CLCN5: variants seen among roughly 807,000 people sequenced by gnomAD.
The protein encoded by CLCN5 is H(+)/Cl(-) exchange transporter 5.
A neutral mutation model predicts 54.0 loss-of-function variants in CLCN5; 17 were observed. That is an observed-to-expected ratio of 0.31 (90% CI 0.22 to 0.47). The LOEUF (loss-of-function observed/expected upper bound fraction) is 0.47. CLCN5 is among the 20% of genes least tolerant of loss of function. The probability of loss-of-function intolerance (pLI) is 1.00; values close to 1 mark genes in which losing one functional copy is unlikely to be tolerated. For synonymous variants in CLCN5, 222 were observed against 233.0 expected (o/e 0.95, Z 0.43); for missense variants, 448 against 646.7 (o/e 0.69, Z 3.33).
intron 4 of CLCN5, among the ~76,000 whole-genome samples, chrX:50,054,891 C>T (rs1213791902): frequency 8.9e-6 from 1 of 111,778 alleles, no homozygotes; most frequent in Non-Finnish European, 1.9e-5. Context: ...ACTTTCGGCT[C>T]CACTTTGTTC....
chrX:50,034,145 CAAAAT>C (rs782066965), intron 3 of CLCN5, among the ~76,000 whole-genome samples: 7 of 111,916 alleles, frequency 6.3e-5, no homozygotes, highest in African/African-American at 9.8e-5. Context: ...TTCCATTTCT[CAAAAT>C]AAAGTAACTA....
At chrX:50,031,717 TTTATTA>T (rs782260429) in intron 3 of CLCN5, among the ~76,000 whole-genome samples, 2 of 109,801 alleles carry the variant, frequency 1.8e-5, no homozygotes, top group Admixed American at 9.7e-5. Context: ...TTTTAATTTC[TTTATTA>T]TTATTATTAT....
At chrX:50,089,027 G>T in intron 12 of CLCN5, 143 bp downstream of exon 12, 1 of 542,057 alleles carries the variant, frequency 1.8e-6, no homozygotes, top group East Asian at 3.6e-5. Context: ...CATTAAGAAA[G>T]CATCTGGTAT....
chrX:50,046,292 T>C (rs1454070710), intron 4 of CLCN5, among the ~76,000 whole-genome samples: 2 of 112,247 alleles, frequency 1.8e-5, no homozygotes, highest in African/African-American at 6.5e-5. Context: ...ACTTACTCAT[T>C]TGATACTTAT....
intron 4 of CLCN5, among the ~76,000 whole-genome samples, chrX:50,055,332 C>A (rs1473655144): frequency 8.9e-6 from 1 of 111,897 alleles, no homozygotes; most frequent in Admixed American, 9.5e-5. Context: ...GATGGAAAAC[C>A]TGTAAACCCA....
intron 3 of CLCN5, among the ~76,000 whole-genome samples, chrX:49,936,912 G>C (rs1241191088): frequency 1.8e-5 from 2 of 111,376 alleles, no homozygotes; most frequent in Non-Finnish European, 3.8e-5. Flanking sequence ...ACATACTATG[G>C]AATGCTGTTC....
At chrX:50,081,553 C>A in intron 8 of CLCN5, 88 bp from the exon 9 acceptor site, 1 of 675,005 alleles carries the variant, frequency 1.5e-6, no homozygotes, top group Admixed American at 2.2e-5. Context: ...TCAAAAGGTG[C>A]AGTTTCTATA....
rs1343866495 is a variant in CLCN5, at chrX:50,090,597, G to A, written c.2144-73G>A. The A allele has an allele frequency of 4.4e-6, 5 of 1,144,458 alleles. No individual in the cohort carries two copies. The Admixed American group carries it at 9.7e-5, about 22-fold the overall frequency. 94.3% of individuals were successfully genotyped at this position (1,144,458 alleles called of 1,213,427 possible). ...GAAATGGGGGAAGACAGGGAAGGGG[G>A]GACTGGTTAGGAGCCAGAAGGATAG... On this transcript the variant is annotated intron_variant, in intron 13 of 14. Transcript: ENST00000376091.
At chrX:50,075,318 A>G (rs1557191972) in intron 6 of CLCN5, among the ~76,000 whole-genome samples, 2 of 111,223 alleles carry the variant, frequency 1.8e-5, no homozygotes, top group African/African-American at 6.5e-5. Flanking sequence ...AAGCAATCTC[A>G]AATAAACATC....
intron 3 of CLCN5, among the ~76,000 whole-genome samples, chrX:49,935,648 G>A (rs911053037): frequency 8.0e-5 from 9 of 111,841 alleles, no homozygotes; most frequent in South Asian, 3.7e-4. Flanking sequence ...GTTCATCTGA[G>A]ACCTGAAAGA....
chrX:50,026,947 T>C (rs1188092476), intron 3 of CLCN5, among the ~76,000 whole-genome samples: 1 of 111,694 alleles, frequency 9.0e-6, no homozygotes, highest in East Asian at 2.8e-4. Flanking sequence ...TTGGTATCTG[T>C]CATTAATTTG....
Position 50,090,693 on chromosome X carries a change from G to T in CLCN5, c.2167G>T (p.Gly723Trp). 1 of 1,209,098 alleles carries T rather than the reference G, an allele frequency of 8.3e-7. No homozygotes were observed. The highest frequency in any genetic ancestry group is 3.0e-5 in the East Asian group (1 of 33,746). The change falls in exon 14 of 15, where the codon GGG (glycine) becomes TGG (tryptophan). Residue 723 changes from glycine (G) to tryptophan (W), a missense_variant. This residue lies in a region of CLCN5 where 297 missense variants were observed against 470.4 expected (regional missense o/e 0.63). Coordinates refer to ENST00000376091, the MANE Select transcript of CLCN5 (RefSeq NM_001127898.4). The stretch of plus-strand genomic sequence containing the variant: ...AGAAAATGCTCGAAAGAAACAGGAT[G>T]GGGTTGTTAGCACTTCCATCATTTA... ...SIENARKKQD[G>W]VVSTSIIYFT... is the part of the protein sequence containing the mutation.
intron 3 of CLCN5, among the ~76,000 whole-genome samples, chrX:49,995,572 T>C (rs782310831): frequency 1.8e-5 from 2 of 111,006 alleles, no homozygotes; most frequent in East Asian, 5.7e-4. Context: ...TTGGAGGAAA[T>C]GTAGAGTGTA....
intron 3 of CLCN5, among the ~76,000 whole-genome samples, chrX:50,007,847 T>C (rs1930278983): frequency 8.9e-6 from 1 of 112,337 alleles, no homozygotes; most frequent in African/African-American, 3.2e-5. Flanking sequence ...TCTTCAAAAG[T>C]GTTTAACTTG....
At position 50,015,693 on chromosome X, in the gene CLCN5, C is replaced by T. The variant is rs191078321; in HGVS notation, c.17-26623C>T. On this transcript the variant is annotated intron_variant, in intron 3 of 14. Transcript: ENST00000376091. ...GAGCCTGAGTGCTTTCTACTGTGACCTCAGCAGTATTCTTCAGTTGTTACT... is the reference window on the plus strand; with the variant it reads ...GAGCCTGAGTGCTTTCTACTGTGACTTCAGCAGTATTCTTCAGTTGTTACT... Among the ~76,000 whole-genome samples, 309 of 110,101 alleles carry T rather than the reference C, an allele frequency of 2.8e-3. 2 individuals carry two copies. Among genetic ancestry groups the T allele is most frequent in the African/African-American group, 9.6e-3 (292 of 30,291 alleles).
chrX:50,033,847 A>G (rs943744954), intron 3 of CLCN5, among the ~76,000 whole-genome samples: 5 of 111,829 alleles, frequency 4.5e-5, no homozygotes, highest in Admixed American at 9.5e-5. Context: ...AGTAATTTTG[A>G]TGACTAAAGG....
chrX:49,993,947 C>G (rs1929382867), intron 3 of CLCN5, among the ~76,000 whole-genome samples: 1 of 111,196 alleles, frequency 9.0e-6, no homozygotes, highest in Non-Finnish European at 1.9e-5. Flanking sequence ...AGGAAAAGGC[C>G]AGGACATCAG....
intron 3 of CLCN5, among the ~76,000 whole-genome samples, chrX:49,936,958 T>C (rs1298228435): frequency 3.6e-5 from 4 of 111,320 alleles, no homozygotes; most frequent in Non-Finnish European, 7.5e-5. Context: ...CTGGACGTGG[T>C]GGTTCACGCC....
At chrX:50,073,025 C>T (rs1204628198) in intron 6 of CLCN5, among the ~76,000 whole-genome samples, 2 of 110,496 alleles carry the variant, frequency 1.8e-5, no homozygotes, top group African/African-American at 6.6e-5. Flanking sequence ...TAAGATATGG[C>T]TCGTACTCCC....
Sources: allele counts gnomAD v4.1 joint callset (sites outside exome capture counted in the v4.1 genomes callset), GRCh38; gene constraint gnomAD v4.1.1; regional missense constraint gnomAD v4.1.1; transcripts MANE v1.5; gene names NCBI Gene and HGNC (gene_info 2026-07-23, HGNC 2026-07-21).